NSMCE2: variants seen among roughly 807,000 people sequenced by gnomAD.
The protein encoded by NSMCE2 is E3 SUMO-protein ligase NSE2.
NSMCE2 carries 24 observed loss-of-function variants against 23.8 expected under a neutral mutation model. The ratio of observed to expected loss-of-function variants is 1.01; its 90% CI spans 0.73 to 1.42. NSMCE2 has a LOEUF of 1.42. NSMCE2 is among the 40% of genes most tolerant of loss of function. The pLI, the probability that NSMCE2 is intolerant of heterozygous loss-of-function variation, is 0.00. For synonymous variants in NSMCE2, 92 were observed against 94.1 expected (o/e 0.98, Z 0.13); for missense variants, 284 against 296.5 (o/e 0.96, Z 0.31).
chr8:125,223,806 C>CTTTTT (rs777644019), intron 5 of NSMCE2, among the ~76,000 whole-genome samples: 5 of 107,932 alleles, frequency 4.6e-5, no homozygotes, highest in South Asian at 3.3e-4. Flanking sequence ...GGTCCTTTGC[C>CTTTTT]TTTTTTTTTT....
chr8:125,326,682 G>A (rs1026707513), intron 5 of NSMCE2, among the ~76,000 whole-genome samples: 10 of 152,172 alleles, frequency 6.6e-5, no homozygotes, highest in African/African-American at 2.2e-4. Flanking sequence ...CGGGCCAGGC[G>A]CAATGGCTCA....
At chr8:125,265,578 G>GT (rs1281139831) in intron 5 of NSMCE2, among the ~76,000 whole-genome samples, 1 of 152,116 alleles carries the variant, frequency 6.6e-6, no homozygotes, top group African/African-American at 2.4e-5. Context: ...TCTTTATTCA[G>GT]TTTTTTGTTT....
intron 5 of NSMCE2, among the ~76,000 whole-genome samples, chr8:125,252,062 G>A (rs1302611915): frequency 6.6e-6 from 1 of 152,178 alleles, no homozygotes; most frequent in East Asian, 1.9e-4. Context: ...ATGTCATCTG[G>A]AGATGGTTGA....
chr8:125,273,208 G>A (rs965735978), intron 5 of NSMCE2, among the ~76,000 whole-genome samples: 3 of 152,202 alleles, frequency 2.0e-5, no homozygotes, highest in Non-Finnish European at 4.4e-5. Context: ...AGACGCCAGT[G>A]AGACATTTTG....
intron 3 of NSMCE2, among the ~76,000 whole-genome samples, chr8:125,108,054 T>A (rs192590420): frequency 2.0e-5 from 3 of 151,906 alleles, no homozygotes; most frequent in East Asian, 3.9e-4. Flanking sequence ...TAAAAAAAAT[T>A]ATGATGAAAA....
chr8:125,196,445 C>A (rs75664530), intron 5 of NSMCE2, among the ~76,000 whole-genome samples: 1 of 152,076 alleles, frequency 6.6e-6, no homozygotes, highest in Non-Finnish European at 1.5e-5. Flanking sequence ...TGGGTGAGAA[C>A]ATGTGGATTT....
At chr8:125,283,706 C>T (rs1002879670) in intron 5 of NSMCE2, among the ~76,000 whole-genome samples, 5 of 152,156 alleles carry the variant, frequency 3.3e-5, no homozygotes, top group Admixed American at 6.5e-5. Flanking sequence ...TGTTTGGTAG[C>T]GGGGAGGGCT....
chr8:125,344,080 C>T (rs556249561), intron 5 of NSMCE2, among the ~76,000 whole-genome samples: 2 of 152,300 alleles, frequency 1.3e-5, no homozygotes, highest in East Asian at 3.9e-4. Context: ...GAAATGGTGT[C>T]ATAGCCCCAT....
chr8:125,347,252 C>G (rs1333815307), intron 5 of NSMCE2, among the ~76,000 whole-genome samples: 1 of 152,148 alleles, frequency 6.6e-6, no homozygotes, highest in Non-Finnish European at 1.5e-5. Flanking sequence ...TAGAACCAGG[C>G]AAATCCAAGC....
intron 5 of NSMCE2, among the ~76,000 whole-genome samples, chr8:125,316,695 TTTCC>T (rs1266706313): frequency 7.1e-5 from 4 of 55,978 alleles, no homozygotes; most frequent in Non-Finnish European, 1.1e-4. Flanking sequence ...ATCTTCCTTC[TTTCC>T]TTCCTTCCTT....
chr8:125,184,298 A>G (rs76108213), intron 5 of NSMCE2, among the ~76,000 whole-genome samples: 2,954 of 152,320 alleles, frequency 0.019, 87 homozygotes, highest in African/African-American at 0.068. Flanking sequence ...CTTTCTAATT[A>G]AGAACATATA....
At chr8:125,340,012 G>GTTTTTTTTTTTTTT (rs752038710) in intron 5 of NSMCE2, among the ~76,000 whole-genome samples, 35 of 102,846 alleles carry the variant, frequency 3.4e-4, no homozygotes, top group African/African-American at 4.8e-4. Flanking sequence ...GTTTTTTTTT[G>GTTTTTTTTTTTTTT]TTTTTTTTTT....
chr8:125,222,227 G>A (rs1048984149), intron 5 of NSMCE2, among the ~76,000 whole-genome samples: 1 of 151,322 alleles, frequency 6.6e-6, no homozygotes, highest in Non-Finnish European at 1.5e-5. Context: ...AAGTAGGAAC[G>A]ATTTTTTAAA....
chr8:125,125,934 G>A (rs1203870388), intron 3 of NSMCE2, among the ~76,000 whole-genome samples: 1 of 152,144 alleles, frequency 6.6e-6, no homozygotes, highest in Non-Finnish European at 1.5e-5. Flanking sequence ...TGGGGGCTAA[G>A]GGACCCAGAT....
Position 125,230,019 on chromosome 8 carries a change from T to C in NSMCE2, c.418+47763T>C, listed in dbSNP as rs1264045012. On this transcript the variant is annotated intron_variant, in intron 5 of 7. Coordinates refer to ENST00000287437, the MANE Select transcript of NSMCE2 (RefSeq NM_173685.4). ...AAATGATAAAACACTAAAACGATTT[T>C]AGTTTTAATTTTGAAAATGTTAAAG... Among the ~76,000 whole-genome samples, 3 of 152,300 alleles carry C rather than the reference T, an allele frequency of 2.0e-5. No homozygotes were observed. The East Asian group carries it at 5.8e-4, about 29-fold the overall frequency.
intron 5 of NSMCE2, among the ~76,000 whole-genome samples, chr8:125,257,386 C>T (rs1055503791): frequency 6.6e-6 from 1 of 151,752 alleles, no homozygotes; most frequent in Non-Finnish European, 1.5e-5. Context: ...AAGGAGGAGT[C>T]ATCTCAGAAA....
chr8:125,134,569 A>C (rs1819963556), intron 3 of NSMCE2, among the ~76,000 whole-genome samples: 1 of 152,108 alleles, frequency 6.6e-6, no homozygotes, highest in Admixed American at 6.5e-5. Flanking sequence ...CTCTTTGGTG[A>C]AGTATCTTCA....
rs553212468 is a variant in NSMCE2 at position 125,324,408 on chromosome 8, A to G, written c.419-32811A>G. Among the ~76,000 whole-genome samples the G allele has an allele frequency of 4.0e-5, 6 of 151,776 alleles. No homozygotes were observed. The South Asian group carries it at 1.2e-3, about 32-fold the overall frequency. On this transcript the variant is annotated intron_variant, in intron 5 of 7. Transcript: ENST00000287437. ...TTAGTTCAAACTGGAAACAAGCCCA[A>G]TATCCCGTAACTGATAAATGAATAG... is the stretch of plus-strand genomic sequence containing the variant.
intron 5 of NSMCE2, among the ~76,000 whole-genome samples, chr8:125,223,754 C>A (rs1430888283): frequency 6.8e-6 from 1 of 147,190 alleles, no homozygotes; most frequent in African/African-American, 2.5e-5. Flanking sequence ...CCATATATTT[C>A]TTGGCCACTT....
Sources: allele counts gnomAD v4.1 joint callset (sites outside exome capture counted in the v4.1 genomes callset), GRCh38; gene constraint gnomAD v4.1.1; transcripts MANE v1.5; gene names NCBI Gene and HGNC (gene_info 2026-07-23, HGNC 2026-07-21).